EBF1: variants seen among roughly 807,000 people sequenced by gnomAD.
EBF1 encodes the protein transcription factor COE1.
EBF1 carries 10 observed loss-of-function variants against 68.4 expected under a neutral mutation model. The observed-to-expected ratio is 0.15, with a 90% CI of 0.09 to 0.25. EBF1 has a LOEUF of 0.25. EBF1 is among the 10% of genes least tolerant of loss of function. The probability of loss-of-function intolerance (pLI) is 1.00; values close to 1 mark genes in which losing one functional copy is unlikely to be tolerated. For synonymous variants in EBF1, 298 were observed against 299.8 expected, an observed-to-expected ratio of 0.99 and a Z score of 0.06; for missense variants, 509 against 794.4, an observed-to-expected ratio of 0.64 and a Z score of 4.32.
chr5:158,951,430 T>C (rs1815947986), intron 6 of EBF1, among the ~76,000 whole-genome samples: 1 of 152,192 alleles, frequency 6.6e-6, no homozygotes, highest in African/African-American at 2.4e-5. Context: ...TTCACAATGG[T>C]GATTTCTCAT....
chr5:158,953,743 A>T, intron 6 of EBF1, among the ~76,000 whole-genome samples: 1 of 152,196 alleles, frequency 6.6e-6, no homozygotes. Context: ...TTTTCAAGCC[A>T]GTGGCAGAGG....
At chr5:158,866,742 C>T (rs994555159) in intron 6 of EBF1, among the ~76,000 whole-genome samples, 13 of 150,244 alleles carry the variant, frequency 8.7e-5, no homozygotes, top group African/African-American at 3.2e-4. Flanking sequence ...TCTACAACAG[C>T]TAGGCAGTGA....
intron 6 of EBF1, among the ~76,000 whole-genome samples, chr5:159,027,211 C>G (rs1411622226): frequency 6.6e-6 from 1 of 152,208 alleles, no homozygotes; most frequent in Non-Finnish European, 1.5e-5. Flanking sequence ...GTTGTAGACA[C>G]ATGGACATTG....
intron 8 of EBF1, among the ~76,000 whole-genome samples, chr5:158,818,223 C>T (rs1784139843): frequency 6.6e-6 from 1 of 152,206 alleles, no homozygotes; most frequent in South Asian, 2.1e-4. Context: ...GAGACAGGCT[C>T]AATTTGAGGT....
intron 6 of EBF1, among the ~76,000 whole-genome samples, chr5:158,850,777 C>T (rs537549542): frequency 2.7e-4 from 41 of 152,118 alleles, no homozygotes; most frequent in African/African-American, 9.2e-4. Flanking sequence ...GAGGCCGAGG[C>T]GTGTGGATTG....
Position 158,825,462 on chromosome 5 carries a change from A to G in EBF1, c.637-2145T>C, listed in dbSNP as rs181388289. ...GTTTTCAGTGTCAGGAAATACAGAA[A>G]GTGGTTATTCTAGATGTCTGTCTTA... On this transcript the variant is annotated intron_variant, in intron 7 of 15. Coordinates refer to ENST00000313708, the MANE Select transcript of EBF1 (RefSeq NM_024007.5). 2.7e-5 allele frequency among the ~76,000 whole-genome samples: 4 copies of G among 149,772 alleles called. No homozygotes were observed. The East Asian group carries it at 7.8e-4, about 29-fold the overall frequency.
intron 10 of EBF1, among the ~76,000 whole-genome samples, chr5:158,750,720 A>G (rs1402677776): frequency 6.6e-6 from 1 of 152,118 alleles, no homozygotes; most frequent in Non-Finnish European, 1.5e-5. Flanking sequence ...AAAGCATTAT[A>G]TGAAAAAATT....
chr5:158,946,054 A>C (rs1025503898), intron 6 of EBF1, among the ~76,000 whole-genome samples: 6 of 152,100 alleles, frequency 3.9e-5, no homozygotes, highest in Admixed American at 3.9e-4. Context: ...GTTCTTCTCT[A>C]AACTGGTTAT....
intron 6 of EBF1, among the ~76,000 whole-genome samples, chr5:158,901,562 A>G (rs1288537640): frequency 6.6e-6 from 1 of 152,238 alleles, no homozygotes; most frequent in Non-Finnish European, 1.5e-5. Flanking sequence ...TGCAACAGCA[A>G]AAGTATTTGG....
intron 8 of EBF1, among the ~76,000 whole-genome samples, chr5:158,818,926 A>T (rs1378730596): frequency 1.4e-5 from 2 of 143,928 alleles, no homozygotes; most frequent in African/African-American, 2.7e-5. Flanking sequence ...CATATTCAAA[A>T]CAATAACAAA....
intron 6 of EBF1, among the ~76,000 whole-genome samples, chr5:159,013,669 A>G (rs1295051185): frequency 1.3e-5 from 2 of 152,328 alleles, no homozygotes; most frequent in African/African-American, 2.4e-5. Flanking sequence ...AGACTGATCC[A>G]GATGGGTTCA....
rs553213235 is a variant in EBF1 at position 158,969,029 on chromosome 5, C to T, written c.554+104367G>A. Among the ~76,000 whole-genome samples, 202 of 152,296 alleles carry T rather than the reference C, an allele frequency of 1.3e-3. 7 individuals carry two copies. The South Asian group carries it at 0.039, about 29-fold the overall frequency. ...AGAGTTTCTCAGGATTGGCTGAGCACGGTTGCTCACGCCTGTAATCCCAGA... is the reference window on the plus strand; with the variant it reads ...AGAGTTTCTCAGGATTGGCTGAGCATGGTTGCTCACGCCTGTAATCCCAGA... On this transcript the variant is annotated intron_variant, in intron 6 of 15. Coordinates refer to ENST00000313708, the MANE Select transcript of EBF1 (RefSeq NM_024007.5).
intron 7 of EBF1, among the ~76,000 whole-genome samples, chr5:158,826,940 A>G (rs1007690180): frequency 3.9e-5 from 6 of 152,090 alleles, no homozygotes; most frequent in African/African-American, 1.4e-4. Context: ...TAGACACAAA[A>G]TTTCATCCTT....
chr5:158,756,268 T>C (rs1399063190), intron 10 of EBF1, among the ~76,000 whole-genome samples: 1 of 152,052 alleles, frequency 6.6e-6, no homozygotes, highest in Non-Finnish European at 1.5e-5. Flanking sequence ...GTGAGAATTT[T>C]TTTTTTTTCT....
intron 6 of EBF1, among the ~76,000 whole-genome samples, chr5:158,955,148 C>T (rs1274409323): frequency 1.3e-5 from 2 of 152,066 alleles, no homozygotes; most frequent in Non-Finnish European, 2.9e-5. Flanking sequence ...CATGGTGAAA[C>T]CCCATCTCTA....
At chr5:159,061,444 A>G (rs889982044) in intron 6 of EBF1, among the ~76,000 whole-genome samples, 1 of 151,870 alleles carries the variant, frequency 6.6e-6, no homozygotes, top group Non-Finnish European at 1.5e-5. Flanking sequence ...AAAAAAAAAA[A>G]GGTGGAAAGA....
At chr5:158,899,389 G>T (rs1802822087) in intron 6 of EBF1, among the ~76,000 whole-genome samples, 1 of 152,210 alleles carries the variant, frequency 6.6e-6, no homozygotes. Flanking sequence ...AAGCAGAAAG[G>T]CATTCCCGAA....
intron 6 of EBF1, among the ~76,000 whole-genome samples, chr5:158,895,606 C>T (rs148907371): frequency 6.6e-6 from 1 of 152,230 alleles, no homozygotes; most frequent in East Asian, 1.9e-4. Flanking sequence ...TGACTAAAGA[C>T]AATGCTATCA....
intron 10 of EBF1, among the ~76,000 whole-genome samples, chr5:158,744,353 G>A (rs1358546828): frequency 2.0e-5 from 3 of 151,908 alleles, no homozygotes; most frequent in Non-Finnish European, 4.4e-5. Flanking sequence ...GGTATAGAAA[G>A]AATACCAGGA....
Sources: gnomAD v4.1 joint callset for allele counts (sites outside exome capture counted in the v4.1 genomes callset) on GRCh38, gnomAD v4.1.1 for gene constraint, MANE v1.5 for transcripts, NCBI Gene and HGNC (gene_info 2026-07-23, HGNC 2026-07-21) for gene names.